Variants in HECTD4 observed in about 807,000 individuals in gnomAD.
The protein encoded by HECTD4 is HECT domain E3 ubiquitin protein ligase 4.
HECTD4 carries 114 observed loss-of-function variants against 471.5 expected under a neutral mutation model. The ratio of observed to expected loss-of-function variants is 0.24; its 90% CI spans 0.21 to 0.28. The LOEUF (loss-of-function observed/expected upper bound fraction) is 0.28. Among genes scored for constraint, HECTD4 ranks in the 10% least tolerant of loss-of-function variants. The pLI, the probability that HECTD4 is intolerant of heterozygous loss-of-function variation, is 1.00. For synonymous variants in HECTD4, 2,012 were observed against 2,256.0 expected, an observed-to-expected ratio of 0.89 and a Z score of 3.07; for missense variants, 3,866 against 5,651.5, an observed-to-expected ratio of 0.68 and a Z score of 10.13.
At chr12:112,164,887 G>A (rs761789572) in intron 72 of HECTD4, among the ~76,000 whole-genome samples, 2 of 150,184 alleles carry the variant, frequency 1.3e-5, no homozygotes, top group Non-Finnish European at 3.0e-5. Flanking sequence ...CTTCCAAAGC[G>A]CTGGGATTAC....
At chr12:112,263,633 T>C (rs2034197267) in intron 17 of HECTD4, among the ~76,000 whole-genome samples, 1 of 151,912 alleles carries the variant, frequency 6.6e-6, no homozygotes, top group Non-Finnish European at 1.5e-5. Context: ...TTATCACCTT[T>C]TAAAAGTTAT....
chr12:112,247,419 C>A, intron 28 of HECTD4, 43 bp downstream of exon 28: 1 of 916,202 alleles, frequency 1.1e-6, no homozygotes, highest in South Asian at 1.7e-5. Flanking sequence ...GTGTTTTGAG[C>A]ATCAAGGTGA....
At chr12:112,341,305 G>A (rs1472179296) in intron 1 of HECTD4, among the ~76,000 whole-genome samples, 1 of 152,150 alleles carries the variant, frequency 6.6e-6, no homozygotes, top group Non-Finnish European at 1.5e-5. Context: ...TGCACTCCCA[G>A]GTCAGCACTT....
At chr12:112,215,716 T>C (rs890766515) in intron 48 of HECTD4, among the ~76,000 whole-genome samples, 4 of 152,186 alleles carry the variant, frequency 2.6e-5, no homozygotes, top group African/African-American at 9.7e-5. Flanking sequence ...CACAACTCAC[T>C]GCAGCCTCAA....
chr12:112,361,709 A>G lies in HECTD4; in HGVS notation c.177+20243T>C, dbSNP rs187370810. On this transcript the variant is annotated intron_variant, in intron 1 of 75. Transcript: ENST00000682272. Reference sequence around the variant, plus strand: ...TAACCACTAGGCTCACTCTGTGTTCATAAGGATCCCCTGAAGGACCCTGCA... The same window carrying G: ...TAACCACTAGGCTCACTCTGTGTTCGTAAGGATCCCCTGAAGGACCCTGCA... Among the ~76,000 whole-genome samples the G allele has an allele frequency of 3.3e-5, 5 of 152,320 alleles. No individual in the cohort carries two copies. In the East Asian group the frequency reaches 9.6e-4, roughly 29 times the overall value.
chr12:112,283,865 C>T (rs1390442484), intron 7 of HECTD4, among the ~76,000 whole-genome samples: 1 of 152,022 alleles, frequency 6.6e-6, no homozygotes, highest in Non-Finnish European at 1.5e-5. Flanking sequence ...TTGGTTATTC[C>T]CCAGAAAAAT....
chr12:112,253,109 C>T (rs893095384), intron 22 of HECTD4, among the ~76,000 whole-genome samples: 4 of 148,790 alleles, frequency 2.7e-5, no homozygotes, highest in East Asian at 2.0e-4. Flanking sequence ...CCACCTTGCT[C>T]GGCCTTGAGC....
chr12:112,351,601 T>A (rs1394684462), intron 1 of HECTD4, among the ~76,000 whole-genome samples: 2 of 152,226 alleles, frequency 1.3e-5, no homozygotes, highest in South Asian at 2.1e-4. Context: ...TAAATAAATA[T>A]CATGCTTTAA....
intron 25 of HECTD4, 194 bp downstream of exon 25, chr12:112,249,950 G>C: frequency 1.7e-6 from 1 of 584,868 alleles, no homozygotes; most frequent in South Asian, 2.1e-5. Flanking sequence ...CTGCTGACTG[G>C]TGGGCCAAAT....
chr12:112,178,082 CTTTTT>C (rs373048565), intron 64 of HECTD4, among the ~76,000 whole-genome samples: 1 of 151,928 alleles, frequency 6.6e-6, no homozygotes, highest in South Asian at 2.1e-4. Flanking sequence ...TTTTCTTTTT[CTTTTT>C]TTTGAGATAG....
chr12:112,252,546 G>A lies in HECTD4; in HGVS notation c.3448-18C>T, dbSNP rs368568290. ...CCTTCCACCTTAAAATTTAAGGAAG[G>A]GGGGGAAATGCACTTTAAAAACAAG... is the stretch of plus-strand genomic sequence containing the variant. On this transcript the variant is annotated intron_variant, in intron 22 of 75. Coordinates refer to ENST00000682272, the MANE Select transcript of HECTD4 (RefSeq NM_001388303.1). The A allele has an allele frequency of 6.2e-6, 10 of 1,600,518 alleles. No individual in the cohort carries two copies. Among genetic ancestry groups the A allele is most frequent in the East Asian group, 4.5e-5 (2 of 44,430 alleles).
At chr12:112,302,426 T>C (rs1422846997) in intron 7 of HECTD4, 11 of 755,484 alleles carry the variant, frequency 1.5e-5, no homozygotes, top group Non-Finnish European at 1.5e-5. Flanking sequence ...CTGGGTGAAC[T>C]GGTTAATAGC....
intron 17 of HECTD4, 173 bp from the exon 18 acceptor site, chr12:112,261,602 C>A: frequency 1.6e-6 from 1 of 606,460 alleles, no homozygotes; most frequent in Non-Finnish European, 2.7e-6. Flanking sequence ...CAGAATAAGC[C>A]CAAAGCAGTA....
At chr12:112,245,622 T>C (rs2033743668) in intron 29 of HECTD4, among the ~76,000 whole-genome samples, 1 of 152,226 alleles carries the variant, frequency 6.6e-6, no homozygotes, top group South Asian at 2.1e-4. Flanking sequence ...GAGCCTTAGA[T>C]GACCAGCTGG....
intron 15 of HECTD4, 146 bp downstream of exon 15, chr12:112,265,732 A>C (rs1324874188): frequency 8.0e-6 from 5 of 621,644 alleles, no homozygotes; most frequent in Non-Finnish European, 1.4e-5. Flanking sequence ...GGAATCTATT[A>C]TCTTTCAACT....
intron 28 of HECTD4, 134 bp downstream of exon 28, chr12:112,247,328 C>G: frequency 1.5e-6 from 1 of 674,924 alleles, no homozygotes. Flanking sequence ...TCCAATTTAC[C>G]AAATGAGTTC....
intron 67 of HECTD4, 139 bp downstream of exon 67, chr12:112,172,532 G>A: frequency 1.2e-6 from 1 of 816,160 alleles, no homozygotes; most frequent in East Asian, 2.7e-5. Context: ...ACTCTTCCTT[G>A]CACACCTGGC....
At chr12:112,174,343 C>A (rs1318182522) in intron 66 of HECTD4, among the ~76,000 whole-genome samples, 3 of 150,504 alleles carry the variant, frequency 2.0e-5, no homozygotes, top group South Asian at 2.1e-4. Context: ...TGGCTCACTG[C>A]AACCCATTGC....
intron 7 of HECTD4, among the ~76,000 whole-genome samples, chr12:112,295,475 T>C (rs2034987039): frequency 6.6e-6 from 1 of 151,304 alleles, no homozygotes; most frequent in South Asian, 2.1e-4. Flanking sequence ...AAGTGATCCT[T>C]CTACCTCAGC....
Sources: allele counts gnomAD v4.1 joint callset (sites outside exome capture counted in the v4.1 genomes callset), GRCh38; gene constraint gnomAD v4.1.1; transcripts MANE v1.5; gene names NCBI Gene and HGNC (gene_info 2026-07-23, HGNC 2026-07-21).